Variants in SYNE2 observed in about 807,000 individuals in gnomAD.
SYNE2 encodes the protein spectrin repeat containing nuclear envelope protein 2, also known as nesprin-2.
A neutral mutation model predicts 856.3 loss-of-function variants in SYNE2; 431 were observed. That is an observed-to-expected ratio of 0.50 (90% CI 0.47 to 0.55). The LOEUF (loss-of-function observed/expected upper bound fraction) is 0.55, where lower values mean the gene tolerates loss of function less well. Among genes scored for constraint, SYNE2 ranks in the 20% least tolerant of loss-of-function variants. SYNE2 has a pLI of 0.00. For missense variants in SYNE2, 8,129 were observed against 8,023.2 expected, an observed-to-expected ratio of 1.01 and a Z score of -0.50; for synonymous variants, 2,923 against 2,872.3, an observed-to-expected ratio of 1.02 and a Z score of -0.56.
intron 32 of SYNE2, among the ~76,000 whole-genome samples, chr14:64,016,269 A>G (rs2096891249): frequency 6.6e-6 from 1 of 152,136 alleles, no homozygotes; most frequent in Non-Finnish European, 1.5e-5. Flanking sequence ...TATAGGGTTA[A>G]CATTGAACCA....
intron 78 of SYNE2, among the ~76,000 whole-genome samples, 186 bp from the exon 79 acceptor site, chr14:64,137,601 C>G (rs2098105037): frequency 6.6e-6 from 1 of 152,146 alleles, no homozygotes; most frequent in Non-Finnish European, 1.5e-5. Context: ...GATTGGACAC[C>G]TATCATGAAA....
chr14:64,225,400 G>C lies in SYNE2; in HGVS notation c.20598G>C (p.Leu6866=), dbSNP rs369949914. 11 of 1,613,424 alleles carry C rather than the reference G, an allele frequency of 6.8e-6. No individual in the cohort carries two copies. Among genetic ancestry groups the C allele is most frequent in the South Asian group, 1.1e-5 (1 of 91,004 alleles). The change falls in exon 116 of 116, where the codon CTG becomes CTC. Residue 6866 remains leucine, a synonymous_variant. Transcript: ENST00000555002. The part of the protein sequence containing the change: ...RAALPLQLLL[L]LLLLLACLLP... The stretch of plus-strand genomic sequence containing the variant: ...CCCTACCCCTGCAGCTGCTCCTCCT[G>C]CTGCTGCTGCTCCTGGCCTGCCTGC...
chr14:63,976,821 A>C, intron 12 of SYNE2, 94 bp downstream of exon 12: 1 of 1,371,018 alleles, frequency 7.3e-7, no homozygotes, highest in Non-Finnish European at 1.0e-6. Flanking sequence ...GAGAAGGATA[A>C]TAGTGGATAT....
chr14:63,879,451 C>T (rs552315459), intron 1 of SYNE2, among the ~76,000 whole-genome samples: 11 of 152,270 alleles, frequency 7.2e-5, no homozygotes, highest in African/African-American at 2.6e-4. Context: ...CACAAAGGGT[C>T]TCCATCCCTT....
chr14:64,182,773 T>C (rs1455014559), intron 96 of SYNE2, among the ~76,000 whole-genome samples: 2 of 152,234 alleles, frequency 1.3e-5, no homozygotes, highest in African/African-American at 2.4e-5. Flanking sequence ...TGGAGTCTCC[T>C]ATGTCTACTT....
chr14:64,124,858 C>T (rs1458574235), intron 70 of SYNE2, among the ~76,000 whole-genome samples: 1 of 152,058 alleles, frequency 6.6e-6, no homozygotes, highest in Non-Finnish European at 1.5e-5. Flanking sequence ...CAAAAATTAG[C>T]CGGGCATGGT....
intron 82 of SYNE2, 48 bp from the exon 83 acceptor site, chr14:64,143,724 C>G (rs2098159341): frequency 1.2e-6 from 2 of 1,602,466 alleles, no homozygotes; most frequent in South Asian, 2.2e-5. Context: ...TCCATTTGAT[C>G]TGACCAACAT....
At position 64,165,430 on chromosome 14, in the gene SYNE2, T is replaced by C. The variant is rs777045573; in HGVS notation, c.16605+20T>C. 8 of 1,612,566 alleles carry C rather than the reference T, an allele frequency of 5.0e-6. No individual in the cohort carries two copies. The East Asian group carries it at 1.8e-4, about 36-fold the overall frequency. On this transcript the variant is annotated intron_variant, in intron 90 of 115. Transcript: ENST00000555002. ...TTCCTGGTATTGCCAATATTTGTCT[T>C]TTCTAAGGGCTTAGACTCACCATAA... is the stretch of plus-strand genomic sequence containing the variant.
intron 107 of SYNE2, chr14:64,215,949 C>A: frequency 7.5e-7 from 1 of 1,336,272 alleles, no homozygotes; most frequent in Non-Finnish European, 9.7e-7. Flanking sequence ...TCTTGGTCCC[C>A]AGACCCGGCC....
At chr14:64,178,947 C>T (rs2098446434) in intron 96 of SYNE2, among the ~76,000 whole-genome samples, 2 of 151,942 alleles carry the variant, frequency 1.3e-5, no homozygotes, top group Non-Finnish European at 2.9e-5. Context: ...TGTGGTGGCA[C>T]TTGACTGTGA....
At chr14:64,160,299 G>A (rs528562465) in intron 87 of SYNE2, among the ~76,000 whole-genome samples, 15 of 152,178 alleles carry the variant, frequency 9.9e-5, no homozygotes, top group Non-Finnish European at 2.2e-4. Context: ...TACGCTGCAC[G>A]TACACATTCA....
chr14:63,939,051 A>G (rs561892938), intron 2 of SYNE2, among the ~76,000 whole-genome samples: 2 of 152,266 alleles, frequency 1.3e-5, no homozygotes, highest in African/African-American at 4.8e-5. Context: ...GGCCTGGTGA[A>G]CTGGAGGTTG....
At chr14:64,039,791 A>C (rs577745436) in intron 45 of SYNE2, among the ~76,000 whole-genome samples, 1 of 152,294 alleles carries the variant, frequency 6.6e-6, no homozygotes, top group East Asian at 1.9e-4. Context: ...GGGAGAAGGG[A>C]AAGAATGAGA....
At chr14:63,927,431 C>T (rs750202451) in intron 2 of SYNE2, among the ~76,000 whole-genome samples, 11 of 152,100 alleles carry the variant, frequency 7.2e-5, no homozygotes, top group South Asian at 2.1e-4. Context: ...ATTGCGCTCC[C>T]GTAATTCCCA....
chr14:64,163,642 C>A, intron 89 of SYNE2, 61 bp downstream of exon 89: 3 of 1,594,322 alleles, frequency 1.9e-6, no homozygotes, highest in Non-Finnish European at 2.6e-6. Context: ...TCCTCAATCC[C>A]TTGTATCCTT....
intron 1 of SYNE2, among the ~76,000 whole-genome samples, chr14:63,886,186 TACAAAA>T (rs1469272601): frequency 6.6e-6 from 1 of 152,208 alleles, no homozygotes; most frequent in Non-Finnish European, 1.5e-5. Context: ...ACTCACTACC[TACAAAA>T]ACATACATAC....
chr14:64,051,020 C>CAA (rs202017735), intron 47 of SYNE2, among the ~76,000 whole-genome samples: 142 of 104,592 alleles, frequency 1.4e-3, no homozygotes, highest in African/African-American at 4.3e-3. Flanking sequence ...GACTCTGCCT[C>CAA]AAAAAAAAAA....
intron 114 of SYNE2, among the ~76,000 whole-genome samples, 177 bp from the exon 115 acceptor site, chr14:64,224,818 AACCT>A (rs2098711148): frequency 6.6e-6 from 1 of 152,202 alleles, no homozygotes; most frequent in Admixed American, 6.5e-5. Context: ...TGAGTAGATT[AACCT>A]AATTATTTCC....
chr14:63,996,785 ACTCT>A lies in SYNE2; in HGVS notation c.2941-158_2941-155del, dbSNP rs536197105. 1.1e-4 allele frequency among the ~76,000 whole-genome samples: 16 copies of A among 148,830 alleles called. No homozygotes were observed. In the East Asian group the frequency reaches 1.6e-3, roughly 15 times the overall value. On this transcript the variant is annotated intron_variant, in intron 23 of 115. Coordinates refer to ENST00000555002, the MANE Select transcript of SYNE2 (RefSeq NM_182914.3). Reference sequence around the variant, plus strand: ...TGAACCGGAAATTCCTTTAGAGCTGACTCTCTCATCTTTTTTTCTCTAGCGCCTA... The same window carrying A: ...TGAACCGGAAATTCCTTTAGAGCTGACTCATCTTTTTTTCTCTAGCGCCTA...
Sources: allele counts gnomAD v4.1 joint callset (sites outside exome capture counted in the v4.1 genomes callset), GRCh38; gene constraint gnomAD v4.1.1; transcripts MANE v1.5; gene names NCBI Gene and HGNC (gene_info 2026-07-23, HGNC 2026-07-21).